The following ITPK1 variants were observed in gnomAD, a reference collection of about 807,000 sequenced individuals.
The protein encoded by ITPK1 is inositol-tetrakisphosphate 1-kinase.
Under a neutral mutation model 45.3 loss-of-function variants are expected in ITPK1, and 21 were observed. The ratio of observed to expected loss-of-function variants is 0.46; its 90% CI spans 0.33 to 0.67. The LOEUF (loss-of-function observed/expected upper bound fraction) is 0.67, where lower values mean the gene tolerates loss of function less well. ITPK1 is among the 30% of genes least tolerant of loss of function. The pLI is 0.02. For missense variants in ITPK1, 474 were observed against 573.5 expected (o/e 0.83, Z 1.77); for synonymous variants, 258 against 253.6 (o/e 1.02, Z -0.16).
intron 9 of ITPK1, among the ~76,000 whole-genome samples, chr14:92,951,255 G>A (rs1438499698): frequency 6.6e-6 from 1 of 152,238 alleles, no homozygotes; most frequent in Non-Finnish European, 1.5e-5. Context: ...AAATTCTTTG[G>A]GGTCAGGTGC....
intron 3 of ITPK1, among the ~76,000 whole-genome samples, chr14:93,033,472 CACAGACA>C (rs1889162410): frequency 6.6e-6 from 1 of 152,320 alleles, no homozygotes; most frequent in African/African-American, 2.4e-5. Context: ...CCCTGCTGAG[CACAGACA>C]TCAGAACCAG....
In ITPK1 at chr14:92,938,458, C is replaced by T. The variant is rs1438679856; in HGVS notation, c.*3103G>A. ...GGCAACAGCTGCTTTGCTCAGTTGG[C>T]TCAAACATGTGACAGCTTCCTACTT... On this transcript the variant is annotated 3_prime_UTR_variant, in exon 11 of 11. Coordinates refer to ENST00000267615, the MANE Select transcript of ITPK1 (RefSeq NM_014216.6). 1.9e-6 allele frequency: 3 copies of T among 1,603,944 alleles called. No homozygotes were observed. The highest frequency in any genetic ancestry group is 3.3e-5 in the Admixed American group (2 of 59,990).
intron 4 of ITPK1, among the ~76,000 whole-genome samples, chr14:93,011,287 T>C (rs1887893202): frequency 6.6e-6 from 1 of 152,246 alleles, no homozygotes; most frequent in African/African-American, 2.4e-5. Context: ...AAGCCTGTGC[T>C]GGGTGAGGGG....
At chr14:93,003,732 T>A (rs1276849719) in intron 4 of ITPK1, among the ~76,000 whole-genome samples, 1 of 152,190 alleles carries the variant, frequency 6.6e-6, no homozygotes, top group East Asian at 1.9e-4. Context: ...TGCCCATCAC[T>A]GTCAGATAAT....
At chr14:93,037,812 T>C (rs1316021376) in intron 3 of ITPK1, among the ~76,000 whole-genome samples, 2 of 152,246 alleles carry the variant, frequency 1.3e-5, no homozygotes, top group East Asian at 1.9e-4. Flanking sequence ...AAAAAAACTG[T>C]CTTTTTTCTC....
intron 2 of ITPK1, among the ~76,000 whole-genome samples, chr14:93,095,551 G>A (rs1156540800): frequency 1.3e-5 from 2 of 151,690 alleles, no homozygotes; most frequent in African/African-American, 4.8e-5. Flanking sequence ...CTTTTAAAAG[G>A]GTCACCTAGA....
chr14:92,968,586 A>G (rs2139756009), intron 5 of ITPK1, among the ~76,000 whole-genome samples: 1 of 152,294 alleles, frequency 6.6e-6, no homozygotes, highest in Non-Finnish European at 1.5e-5. Context: ...AGATGTCTGG[A>G]GTCCAGACGA....
intron 5 of ITPK1, among the ~76,000 whole-genome samples, chr14:92,989,010 C>A (rs1886644024): frequency 6.6e-6 from 1 of 152,150 alleles, no homozygotes; most frequent in African/African-American, 2.4e-5. Context: ...AGTCCCCACC[C>A]CTCTGCAGCT....
chr14:92,998,922 C>T (rs570534781), intron 4 of ITPK1: 16 of 152,238 alleles, frequency 1.1e-4, no homozygotes, highest in East Asian at 1.9e-4. Flanking sequence ...GCTATATGCA[C>T]ACTGCTTCTT....
Position 93,007,711 on chromosome 14 carries a change from A to C in ITPK1, c.246+8965T>G, listed in dbSNP as rs138957807. Among the ~76,000 whole-genome samples, 472 of 152,248 alleles carry C rather than the reference A, an allele frequency of 3.1e-3. 2 individuals carry two copies. The highest frequency in any genetic ancestry group is 9.9e-3 in the African/African-American group (413 of 41,534). ...TGCTGCCAGGGGTGACCTGGCTACGACATCTACCCCGTGGATGACACTGGC... is the reference window on the plus strand; with the variant it reads ...TGCTGCCAGGGGTGACCTGGCTACGCCATCTACCCCGTGGATGACACTGGC... On this transcript the variant is annotated intron_variant, in intron 4 of 10. Coordinates refer to ENST00000267615, the MANE Select transcript of ITPK1 (RefSeq NM_014216.6).
chr14:93,095,634 A>T (rs915105928), intron 2 of ITPK1, among the ~76,000 whole-genome samples: 7 of 149,418 alleles, frequency 4.7e-5, no homozygotes, highest in African/African-American at 1.7e-4. Context: ...GTACATGTGC[A>T]GGTTTGTTAC....
intron 3 of ITPK1, among the ~76,000 whole-genome samples, chr14:93,020,255 C>T (rs568608649): frequency 1.3e-5 from 2 of 152,348 alleles, no homozygotes; most frequent in East Asian, 3.9e-4. Context: ...ATGATTAACC[C>T]AATCGTACCC....
chr14:92,955,920 C>T (rs1001438087), intron 8 of ITPK1, among the ~76,000 whole-genome samples: 1 of 152,218 alleles, frequency 6.6e-6, no homozygotes, highest in Non-Finnish European at 1.5e-5. Flanking sequence ...TGTTGCATTA[C>T]ACTTCTTATC....
intron 2 of ITPK1, among the ~76,000 whole-genome samples, chr14:93,094,044 C>T (rs1449163997): frequency 6.6e-6 from 1 of 152,232 alleles, no homozygotes; most frequent in Non-Finnish European, 1.5e-5. Flanking sequence ...GCCTCGGCTC[C>T]ACCGCTCCCG....
chr14:93,089,287 G>A (rs921489256), intron 2 of ITPK1, among the ~76,000 whole-genome samples: 3 of 152,128 alleles, frequency 2.0e-5, no homozygotes, highest in African/African-American at 4.8e-5. Flanking sequence ...GGGTAGACAC[G>A]CCCTGGGTCA....
intron 5 of ITPK1, among the ~76,000 whole-genome samples, chr14:92,982,846 T>C (rs959526345): frequency 6.6e-6 from 1 of 152,190 alleles, no homozygotes; most frequent in African/African-American, 2.4e-5. Flanking sequence ...CCCTGCTCCT[T>C]GAAGGCATCT....
chr14:93,033,988 G>A (rs1207693072), intron 3 of ITPK1, among the ~76,000 whole-genome samples: 1 of 152,130 alleles, frequency 6.6e-6, no homozygotes, highest in African/African-American at 2.4e-5. Context: ...TTCTGGTGAG[G>A]GGCAGGGGTG....
intron 4 of ITPK1, among the ~76,000 whole-genome samples, chr14:93,013,659 C>A (rs540421290): frequency 1.6e-3 from 240 of 152,356 alleles, no homozygotes; most frequent in Non-Finnish European, 2.5e-3. Flanking sequence ...TCCCTGCTCA[C>A]AACAAAATGG....
rs1290224565 is a variant in ITPK1 at position 93,016,791 on chromosome 14, C to A, written c.131G>T (p.Ser44Ile). ...GGGGCCCTGCTCCTCGATCGGCCGG[C>A]TAAGGTTCAGCTGTGAGGCAGGGAA... is the stretch of plus-strand genomic sequence containing the variant. ...RGMEVVQLNLSRPIEEQGPLD... is the reference protein window; with the variant it reads ...RGMEVVQLNLIRPIEEQGPLD... The change falls in exon 4 of 11, where the codon AGC becomes ATC. Residue 44 changes from serine (S) to isoleucine (I), a missense_variant. Physicochemically the swap from Ser to Ile is moderately radical, Grantham distance 142. Coordinates refer to ENST00000267615, the MANE Select transcript of ITPK1 (RefSeq NM_014216.6). The surrounding 1 kb of genome is among the most constrained non-coding windows in gnomAD (Gnocchi z 5.0). The A allele has an allele frequency of 1.2e-6, 2 of 1,614,016 alleles. No homozygotes were observed. Among genetic ancestry groups the A allele is most frequent in the Admixed American group, 3.3e-5 (2 of 60,014 alleles).
Sources: gnomAD v4.1 joint callset for allele counts (sites outside exome capture counted in the v4.1 genomes callset) on GRCh38, gnomAD v4.1.1 for gene constraint, Gnocchi (gnomAD v3.1) non-coding constraint, MANE v1.5 for transcripts, NCBI Gene and HGNC (gene_info 2026-07-23, HGNC 2026-07-21) for gene names.